Variants in L3HYPDH observed in about 807,000 individuals in gnomAD.
The protein encoded by L3HYPDH is trans-3-hydroxy-L-proline dehydratase.
In L3HYPDH, 32 loss-of-function variants were observed where a neutral mutation model predicts 26.5. The observed-to-expected ratio is 1.21, with a 90% CI of 0.91 to 1.62. The LOEUF (loss-of-function observed/expected upper bound fraction) is 1.62. L3HYPDH is among the 40% of genes most tolerant of loss of function. The pLI, the probability that L3HYPDH is intolerant of heterozygous loss-of-function variation, is 0.00. For missense variants in L3HYPDH, 554 were observed against 476.4 expected (o/e 1.16, Z -1.52); for synonymous variants, 215 against 196.6 (o/e 1.09, Z -0.78).
chr14:59,490,804 T>A, the L3HYPDH span, among the ~76,000 whole-genome samples: 1 of 152,196 alleles, frequency 6.6e-6, no homozygotes, highest in African/African-American at 2.4e-5. Flanking sequence ...TGAAATAGAA[T>A]AATTGTCCAG....
chr14:59,502,753 T>TTTGTTTTGTTTTGTTTTTTTGTTTTG, the L3HYPDH span, among the ~76,000 whole-genome samples: 1 of 74,948 alleles, frequency 1.3e-5, no homozygotes, highest in African/African-American at 4.9e-5. Flanking sequence ...AAATGAGATT[T>TTTGTTTTGTTTTGTTTTTTTGTTTTG]TTTTTTTTTT....
chr14:59,502,200 T>C, the L3HYPDH span, among the ~76,000 whole-genome samples: 1 of 152,234 alleles, frequency 6.6e-6, no homozygotes, highest in Non-Finnish European at 1.5e-5. Context: ...GTAACTGTTA[T>C]ACATATTACA....
chr14:59,502,773 T>TTTTTTTTTTTTTTTTTTG, the L3HYPDH span, among the ~76,000 whole-genome samples: 8 of 102,846 alleles, frequency 7.8e-5, no homozygotes, highest in African/African-American at 2.7e-4. Flanking sequence ...TTTTTTTTTT[T>TTTTTTTTTTTTTTTTTTG]CGGAGTCTCA....
upstream of L3HYPDH, chr14:59,484,412 C>T (rs554806324): frequency 4.3e-6 from 6 of 1,406,634 alleles, no homozygotes; most frequent in Middle Eastern, 9.9e-4. Flanking sequence ...GGACGCTAAC[C>T]AGCCACGTCC....
At chr14:59,485,335 G>T (rs1890457902), upstream of L3HYPDH, 15 of 435,120 alleles carry the variant, frequency 3.4e-5, no homozygotes, top group East Asian at 8.1e-5. Flanking sequence ...ATTACAATTG[G>T]TTACAAAAAA....
chr14:59,469,236 A>T (rs1456780518), downstream of L3HYPDH, among the ~76,000 whole-genome samples: 1 of 152,136 alleles, frequency 6.6e-6, no homozygotes, highest in Non-Finnish European at 1.5e-5. Context: ...GTAGTTTCCC[A>T]AAGAAAAAGG....
the L3HYPDH span, chr14:59,504,385 C>T: frequency 7.4e-5 from 20 of 270,990 alleles, no homozygotes; most frequent in Non-Finnish European, 6.9e-6. Flanking sequence ...GCAATGTGTT[C>T]CCATTTTATT....
At position 59,475,874 on chromosome 14, in the gene L3HYPDH, C is replaced by T. The variant is rs1889590428; in HGVS notation, c.934G>A (p.Val312Met). 3 of 1,611,850 alleles carry T rather than the reference C, an allele frequency of 1.9e-6. No individual in the cohort carries two copies. Among genetic ancestry groups the T allele is most frequent in the East Asian group, 2.2e-5 (1 of 44,886 alleles). ...ATGSVFTGKA[V>M]REAKCGDFKA... ...AAGCTAAGGGTGCCACTTACCCTCA[C>T]AGCTTTCCCTGTGAATACTGAGCCA... Residue 312 changes from valine (V) to methionine (M), a missense_variant, in exon 4 of 5, where the codon GTG (valine) becomes ATG (methionine). Val to Met is a conservative substitution (Grantham distance 21). Coordinates refer to ENST00000247194, the MANE Select transcript of L3HYPDH (RefSeq NM_144581.2).
intron 2 of L3HYPDH, chr14:59,478,611 A>C (rs1889797802): frequency 6.6e-6 from 1 of 152,358 alleles, no homozygotes; most frequent in Non-Finnish European, 1.5e-5. Flanking sequence ...TCATTTACTG[A>C]ACATTTACTA....
chr14:59,473,130 A>T, intron 4 of L3HYPDH, 40 bp from the exon 5 acceptor site: 1 of 1,545,130 alleles, frequency 6.5e-7, no homozygotes, highest in Non-Finnish European at 8.7e-7. Context: ...AAAATATTGC[A>T]CTCGTATTAT....
downstream of L3HYPDH, among the ~76,000 whole-genome samples, chr14:59,467,938 A>C (rs957529069): frequency 1.3e-5 from 2 of 152,218 alleles, no homozygotes; most frequent in African/African-American, 4.8e-5. Context: ...CTTTGCATCC[A>C]TTCATCTCCT....
At chr14:59,474,610 A>G in intron 4 of L3HYPDH, 1 of 646,130 alleles carries the variant, frequency 1.5e-6, no homozygotes, top group South Asian at 1.7e-5. Context: ...CTGTTCAGAG[A>G]CCCACCTTCA....
downstream of L3HYPDH, among the ~76,000 whole-genome samples, chr14:59,471,358 G>T (rs564293700): frequency 6.6e-6 from 1 of 152,178 alleles, no homozygotes; most frequent in South Asian, 2.1e-4. Context: ...ACTTGGAGTC[G>T]GAACTCCTAG....
At chr14:59,500,639 G>A in the L3HYPDH span, among the ~76,000 whole-genome samples, 42 of 152,068 alleles carry the variant, frequency 2.8e-4, no homozygotes, top group African/African-American at 7.0e-4. Flanking sequence ...TTTCAACTGC[G>A]GTTCCCCACC....
chr14:59,477,395 TCA>T (rs1315802977), intron 2 of L3HYPDH, among the ~76,000 whole-genome samples: 2 of 152,250 alleles, frequency 1.3e-5, no homozygotes, highest in Non-Finnish European at 2.9e-5. Flanking sequence ...AGTCAACAGT[TCA>T]CAGAGTAATT....
At chr14:59,481,715 A>G (rs1890035698) in intron 1 of L3HYPDH, among the ~76,000 whole-genome samples, 1 of 151,366 alleles carries the variant, frequency 6.6e-6, no homozygotes, top group Non-Finnish European at 1.5e-5. Flanking sequence ...AATGCTTTAA[A>G]ATACACTAAG....
chr14:59,498,786 C>G, the L3HYPDH span: 1 of 1,604,202 alleles, frequency 6.2e-7, no homozygotes. Context: ...CTGCTCCGAC[C>G]TCTTCTGGTG....
rs1217461174 is a variant in L3HYPDH at position 59,483,848 on chromosome 14, C to T, written c.469G>A (p.Val157Met). 3.1e-6 allele frequency: 5 copies of T among 1,587,706 alleles called. No homozygotes were observed. Among genetic ancestry groups the T allele is most frequent in the Non-Finnish European group, 4.3e-6 (5 of 1,174,258 alleles). Residue 157 changes from valine to methionine, a missense_variant, in exon 1 of 5, where the codon GTG (valine) becomes ATG (methionine). Transcript: ENST00000247194. ...AAGGCCGGGACGCTGTGGAAGCGCA[C>T]CGGTCCGTGGCTGCGGCCGTCCTCG... ...ACEDGRSHGP[V>M]RFHSVPAFVL...
chr14:59,495,489 CT>C, the L3HYPDH span, among the ~76,000 whole-genome samples: 2 of 151,992 alleles, frequency 1.3e-5, no homozygotes, highest in African/African-American at 4.8e-5. Context: ...ATAGGAGGCA[CT>C]TTATAGTAAA....
Sources: gnomAD v4.1 joint callset for allele counts (sites outside exome capture counted in the v4.1 genomes callset) on GRCh38, gnomAD v4.1.1 for gene constraint, MANE v1.5 for transcripts, NCBI Gene and HGNC (gene_info 2026-07-23, HGNC 2026-07-21) for gene names.